ARHGEF38: variants seen among roughly 807,000 people sequenced by gnomAD.
ARHGEF38 encodes Rho guanine nucleotide exchange factor 38.
ARHGEF38 carries 79 observed loss-of-function variants against 79.9 expected under a neutral mutation model. The observed-to-expected ratio is 0.99, with a 90% CI of 0.82 to 1.19. ARHGEF38 has a LOEUF of 1.19. Among genes scored for constraint, ARHGEF38 ranks in the 50% most tolerant of loss-of-function variants. The probability of loss-of-function intolerance (pLI) is 0.00; values close to 1 mark genes in which losing one functional copy is unlikely to be tolerated. For synonymous variants in ARHGEF38, 366 were observed against 328.3 expected (o/e 1.11, Z -1.24); for missense variants, 962 against 907.2 (o/e 1.06, Z -0.78).
intron 10 of ARHGEF38, among the ~76,000 whole-genome samples, chr4:105,659,849 T>G (rs1396523016): frequency 1.5e-5 from 2 of 133,126 alleles, no homozygotes; most frequent in Admixed American, 7.5e-5. Context: ...AAGCCTGGTT[T>G]TGTGTGTGTG....
chr4:105,616,763 G>A (rs1728528114), intron 3 of ARHGEF38, among the ~76,000 whole-genome samples: 1 of 152,058 alleles, frequency 6.6e-6, no homozygotes, highest in African/African-American at 2.4e-5. Context: ...ATTGACCATA[G>A]ACAATCAGAA....
chr4:105,616,081 G>A (rs1167755762), intron 3 of ARHGEF38, among the ~76,000 whole-genome samples: 1 of 152,134 alleles, frequency 6.6e-6, no homozygotes, highest in Admixed American at 6.6e-5. Context: ...TTACAGAATA[G>A]ATGTAAATAA....
intron 6 of ARHGEF38, among the ~76,000 whole-genome samples, chr4:105,645,902 G>A (rs1729820183): frequency 6.6e-6 from 1 of 152,204 alleles, no homozygotes; most frequent in Non-Finnish European, 1.5e-5. Context: ...TCTAGAATTA[G>A]CAAATTATTG....
At chr4:105,561,449 G>GGAATGGAATAGAATAGAATA (rs1725566310) in intron 1 of ARHGEF38, 1 of 45,634 alleles carries the variant, frequency 2.2e-5, no homozygotes, top group Admixed American at 2.5e-4. Flanking sequence ...AGAATAGAAT[G>GGAATGGAATAGAATAGAATA]GAATAGAATA....
intron 13 of ARHGEF38, among the ~76,000 whole-genome samples, chr4:105,670,286 C>G (rs1419739153): frequency 6.6e-6 from 1 of 152,168 alleles, no homozygotes; most frequent in Admixed American, 6.5e-5. Flanking sequence ...TTCTTCACAT[C>G]CTTGTCAACA....
intron 8 of ARHGEF38, among the ~76,000 whole-genome samples, chr4:105,654,845 A>C (rs1730257916): frequency 6.6e-6 from 1 of 152,220 alleles, no homozygotes; most frequent in Admixed American, 6.5e-5. Context: ...GAAAGTTAGT[A>C]GTGTTACATG....
chr4:105,653,677 CA>C (rs1730205321), intron 7 of ARHGEF38, among the ~76,000 whole-genome samples: 1 of 152,146 alleles, frequency 6.6e-6, no homozygotes, highest in Non-Finnish European at 1.5e-5. Flanking sequence ...ATCATACGAA[CA>C]AAACAAGAAG....
At chr4:105,572,997 G>A (rs1487976820) in intron 1 of ARHGEF38, among the ~76,000 whole-genome samples, 2 of 152,106 alleles carry the variant, frequency 1.3e-5, no homozygotes, top group African/African-American at 4.8e-5. Context: ...GTGATGCTGA[G>A]CATCTTTTCA....
intron 10 of ARHGEF38, among the ~76,000 whole-genome samples, chr4:105,661,378 A>C (rs1297891301): frequency 6.6e-6 from 1 of 151,914 alleles, no homozygotes; most frequent in Non-Finnish European, 1.5e-5. Flanking sequence ...CTCTATGTTT[A>C]ACCTTTTGAA....
intron 1 of ARHGEF38, among the ~76,000 whole-genome samples, chr4:105,580,210 G>C (rs553531268): frequency 6.6e-6 from 1 of 151,990 alleles, no homozygotes; most frequent in South Asian, 2.1e-4. Context: ...TTCATGTCTC[G>C]ATCTTCTATT....
chr4:105,628,350 G>A (rs1729038139), intron 3 of ARHGEF38, among the ~76,000 whole-genome samples: 1 of 152,194 alleles, frequency 6.6e-6, no homozygotes, highest in South Asian at 2.1e-4. Context: ...GTCCAGCTAA[G>A]TCTGTGATCT....
In ARHGEF38 at chr4:105,655,655, A is replaced by G; in HGVS notation, c.1166A>G (p.Tyr389Cys). The change falls in exon 9 of 14, where the codon TAC (tyrosine) becomes TGC (cysteine). Residue 389 changes from tyrosine to cysteine, a missense_variant. Coordinates refer to ENST00000420470, the MANE Select transcript of ARHGEF38 (RefSeq NM_001242729.2). ...QSVMDLQEIS[Y>C]NKDDEMDYSE... ...GTGATGGACCTTCAGGAGATTTCATACAACAAAGACGATGAGATGGACTAT... is the reference window on the plus strand; with the variant it reads ...GTGATGGACCTTCAGGAGATTTCATGCAACAAAGACGATGAGATGGACTAT... 1 of 1,535,952 alleles carries G rather than the reference A, an allele frequency of 6.5e-7. No homozygotes were observed. The highest frequency in any genetic ancestry group is 8.7e-7 in the Non-Finnish European group (1 of 1,146,738).
In ARHGEF38 at chr4:105,668,066, G is replaced by A. The variant is rs531411486; in HGVS notation, c.2148+363G>A. On this transcript the variant is annotated intron_variant, in intron 13 of 13. Coordinates refer to ENST00000420470, the MANE Select transcript of ARHGEF38 (RefSeq NM_001242729.2). ...ACTGAACAGATTGCTGCCATCAATA[G>A]CACATGGGAAATTGCCCATGATTCC... Among the ~76,000 whole-genome samples the A allele has an allele frequency of 2.9e-4, 44 of 152,020 alleles. No homozygotes were observed. In the South Asian group the frequency reaches 8.7e-3, roughly 30 times the overall value.
chr4:105,644,595 G>A (rs1021173605), intron 5 of ARHGEF38, among the ~76,000 whole-genome samples: 1 of 152,238 alleles, frequency 6.6e-6, no homozygotes, highest in African/African-American at 2.4e-5. Flanking sequence ...GAATGTCACT[G>A]TGTGATAGCA....
intron 2 of ARHGEF38, among the ~76,000 whole-genome samples, chr4:105,606,926 T>C (rs899180888): frequency 1.3e-5 from 2 of 152,306 alleles, no homozygotes; most frequent in East Asian, 3.9e-4. Flanking sequence ...TTTTGTCTAC[T>C]CATCCTTAAT....
intron 1 of ARHGEF38, among the ~76,000 whole-genome samples, chr4:105,580,538 T>C (rs1307454012): frequency 6.6e-6 from 1 of 152,176 alleles, no homozygotes; most frequent in Non-Finnish European, 1.5e-5. Flanking sequence ...GGCAATTTTC[T>C]TGGTCATTAA....
intron 10 of ARHGEF38, among the ~76,000 whole-genome samples, chr4:105,663,073 G>T (rs1248407631): frequency 6.6e-6 from 1 of 151,988 alleles, no homozygotes; most frequent in Non-Finnish European, 1.5e-5. Flanking sequence ...ATATGCAGTG[G>T]TAAGAAGTAT....
chr4:105,579,886 T>C (rs981209951), intron 1 of ARHGEF38, among the ~76,000 whole-genome samples: 2 of 152,190 alleles, frequency 1.3e-5, no homozygotes, highest in African/African-American at 4.8e-5. Flanking sequence ...TGGTAGGCTA[T>C]TTACTACTTA....
At chr4:105,595,855 T>C (rs533290441) in intron 2 of ARHGEF38, among the ~76,000 whole-genome samples, 1 of 152,318 alleles carries the variant, frequency 6.6e-6, no homozygotes, top group East Asian at 1.9e-4. Context: ...AGATGCATTT[T>C]AAAAAATATT....
Sources: gnomAD v4.1 joint callset for allele counts (sites outside exome capture counted in the v4.1 genomes callset) on GRCh38, gnomAD v4.1.1 for gene constraint, MANE v1.5 for transcripts, NCBI Gene and HGNC (gene_info 2026-07-23, HGNC 2026-07-21) for gene names.